RALGAPA1: variants seen among roughly 807,000 people sequenced by gnomAD.
The protein encoded by RALGAPA1 is Ral GTPase activating protein catalytic subunit alpha 1.
In RALGAPA1, 52 loss-of-function variants were observed where a neutral mutation model predicts 269.6. The observed-to-expected ratio is 0.19, with a 90% CI of 0.15 to 0.24. RALGAPA1 has a LOEUF of 0.24. Ranked by LOEUF, RALGAPA1 falls within the 10% of genes least tolerant of loss-of-function variation. RALGAPA1 has a pLI of 1.00. For missense variants in RALGAPA1, 1,917 were observed against 3,013.9 expected (o/e 0.64, Z 8.52); for synonymous variants, 817 against 1,008.3 (o/e 0.81, Z 3.60).
At chr14:35,603,968 A>G (rs187001588) in intron 36 of RALGAPA1, among the ~76,000 whole-genome samples, 64 of 152,250 alleles carry the variant, frequency 4.2e-4, no homozygotes, top group African/African-American at 1.5e-3. Context: ...ACAATAATAT[A>G]TTATGTCAGA....
intron 39 of RALGAPA1, among the ~76,000 whole-genome samples, chr14:35,561,605 TC>T (rs1223303763): frequency 6.7e-6 from 1 of 148,210 alleles, no homozygotes; most frequent in Non-Finnish European, 1.5e-5. Flanking sequence ...ACCTCTGGGT[TC>T]AAGCAATTCT....
intron 35 of RALGAPA1, among the ~76,000 whole-genome samples, chr14:35,621,116 A>G (rs911138949): frequency 2.0e-5 from 3 of 152,204 alleles, no homozygotes; most frequent in African/African-American, 2.4e-5. Flanking sequence ...CAAACATACT[A>G]CAAGGCTACA....
At chr14:35,733,895 C>T (rs2070734349) in intron 12 of RALGAPA1, among the ~76,000 whole-genome samples, 2 of 151,854 alleles carry the variant, frequency 1.3e-5, no homozygotes, top group African/African-American at 2.4e-5. Context: ...CCAACAGCAA[C>T]CAAGCAGAGA....
chr14:35,724,931 G>T, intron 14 of RALGAPA1, 93 bp downstream of exon 14: 1 of 1,018,408 alleles, frequency 9.8e-7, no homozygotes, highest in Non-Finnish European at 1.3e-6. Context: ...CAAGTTCAGG[G>T]TTCAATGAAT....
At chr14:35,572,093 T>C (rs930611575) in intron 38 of RALGAPA1, among the ~76,000 whole-genome samples, 3 of 152,216 alleles carry the variant, frequency 2.0e-5, no homozygotes, top group Admixed American at 1.3e-4. Context: ...AACTATAGGA[T>C]AGGTGACTGA....
intron 16 of RALGAPA1, among the ~76,000 whole-genome samples, chr14:35,700,774 C>T (rs2140623570): frequency 6.6e-6 from 1 of 152,242 alleles, no homozygotes; most frequent in Admixed American, 6.5e-5. Flanking sequence ...ATACTCTTTA[C>T]CAAATAAAGT....
chr14:35,593,837 G>A (rs2058773527), intron 37 of RALGAPA1, among the ~76,000 whole-genome samples: 1 of 152,028 alleles, frequency 6.6e-6, no homozygotes, highest in African/African-American at 2.4e-5. Flanking sequence ...CTGGGTGAAA[G>A]AGTGAGACCC....
At chr14:35,804,230 C>A (rs531701087) in intron 1 of RALGAPA1, among the ~76,000 whole-genome samples, 2 of 151,664 alleles carry the variant, frequency 1.3e-5, no homozygotes, top group East Asian at 3.9e-4. Flanking sequence ...CCACTGCACT[C>A]TAGCCTGGGC....
chr14:35,693,347 T>TA (rs1426733331), intron 17 of RALGAPA1, among the ~76,000 whole-genome samples: 2 of 151,676 alleles, frequency 1.3e-5, no homozygotes, highest in African/African-American at 2.4e-5. Flanking sequence ...AAGGAACCAA[T>TA]AAAAAAACTT....
intron 1 of RALGAPA1, among the ~76,000 whole-genome samples, chr14:35,776,126 G>A (rs930975337): frequency 6.6e-6 from 1 of 152,202 alleles, no homozygotes; most frequent in Non-Finnish European, 1.5e-5. Flanking sequence ...GCTCACGCCT[G>A]TAATCCCAAC....
At chr14:35,672,747 C>A in intron 25 of RALGAPA1, 120 bp downstream of exon 25, 1 of 926,844 alleles carries the variant, frequency 1.1e-6, no homozygotes, top group South Asian at 2.6e-5. Context: ...GTATATAAAT[C>A]ACTAAATAAG....
chr14:35,723,170 T>C lies in RALGAPA1; in HGVS notation c.1961A>G (p.Tyr654Cys), dbSNP rs1204086826. The change falls in exon 15 of 42, where the codon TAT (tyrosine) becomes TGT (cysteine). Residue 654 changes from tyrosine (Y) to cysteine (C), a missense_variant. Tyr to Cys is a radical substitution (Grantham distance 194, BLOSUM62 -2). Around this residue, in one of 11 missense-constraint regions of RALGAPA1, gnomAD observed 40 missense variants for 112.6 expected, o/e 0.36. Transcript: ENST00000680220. ...CCACTCAGTGGCCAACTCTTCCCAA[T>C]AGGTCAGCGATGACAATACTGACAG... ...DLLSVLSSLT[Y>C]WEELATEWSL... is the part of the protein sequence containing the mutation. 7.4e-6 allele frequency: 12 copies of C among 1,613,512 alleles called. No homozygotes were observed. The highest frequency in any genetic ancestry group is 6.7e-5 in the African/African-American group (5 of 74,910).
rs143332520 is a variant in RALGAPA1 at position 35,756,931 on chromosome 14, T to A, written c.548-23A>T. 1.8e-4 allele frequency: 269 copies of A among 1,530,838 alleles called. 5 individuals are homozygous for A. In the African/African-American group the frequency reaches 2.7e-3, roughly 16 times the overall value. The allele number at this position is 1,530,838 out of a possible 1,614,324, so 94.8% of individuals were successfully genotyped here. ...GAGCTATCCAAAGACAAAAGAATAG[T>A]ATATAGTTACAAAACAAATTTAATA... On this transcript the variant is annotated intron_variant, in intron 6 of 41. Transcript: ENST00000680220.
chr14:35,659,242 T>G lies in RALGAPA1; in HGVS notation c.5329-46A>C, dbSNP rs750071142. 1.1e-5 allele frequency: 16 copies of G among 1,395,056 alleles called. No homozygotes were observed. The South Asian group carries it at 1.8e-4, about 16-fold the overall frequency. 86.4% of individuals were successfully genotyped at this position (1,395,056 alleles called of 1,614,324 possible). ...TTAACGGCAATGACTGAGATTTCAC[T>G]CATTCATTCTACAAATATTTATTAA... On this transcript the variant is annotated intron_variant, in intron 27 of 41. Coordinates refer to ENST00000680220, the MANE Select transcript of RALGAPA1 (RefSeq NM_001346249.2).
chr14:35,805,203 T>C (rs904071863), intron 1 of RALGAPA1, among the ~76,000 whole-genome samples: 1 of 151,046 alleles, frequency 6.6e-6, no homozygotes, highest in Non-Finnish European at 1.5e-5. Flanking sequence ...GCGGGGGGAC[T>C]GCCTGAGCTC....
At chr14:35,764,658 G>A (rs531073801) in intron 4 of RALGAPA1, among the ~76,000 whole-genome samples, 17 of 151,830 alleles carry the variant, frequency 1.1e-4, no homozygotes, top group South Asian at 6.2e-4. Context: ...TAATCCTCTC[G>A]CCTCAGCCCC....
At position 35,792,553 on chromosome 14, in the gene RALGAPA1, C is replaced by T. The variant is rs138774454; in HGVS notation, c.106+16177G>A. On this transcript the variant is annotated intron_variant, in intron 1 of 41. Transcript: ENST00000680220. Reference sequence around the variant, plus strand: ...ATCCTAGCACTTTGGGAGGCCAGGGCGGGTGGACTGTTTGAGGCCCAGAGT... The same window carrying T: ...ATCCTAGCACTTTGGGAGGCCAGGGTGGGTGGACTGTTTGAGGCCCAGAGT... Among the ~76,000 whole-genome samples, 364 of 151,788 alleles carry T rather than the reference C, an allele frequency of 2.4e-3. 4 individuals are homozygous for T. Among genetic ancestry groups the T allele is most frequent in the African/African-American group, 8.3e-3 (346 of 41,484 alleles).
intron 12 of RALGAPA1, among the ~76,000 whole-genome samples, chr14:35,736,852 A>T (rs142991912): frequency 1.3e-5 from 2 of 152,140 alleles, no homozygotes; most frequent in African/African-American, 4.8e-5. Flanking sequence ...CCTGGCCAAC[A>T]TGGCAAAAAC....
chr14:35,690,250 CA>C (rs1414877938), intron 17 of RALGAPA1, among the ~76,000 whole-genome samples: 9 of 152,014 alleles, frequency 5.9e-5, no homozygotes, highest in Non-Finnish European at 1.2e-4. Context: ...TGCATAGAAA[CA>C]GACAGTGAGG....
Sources: allele counts gnomAD v4.1 joint callset (sites outside exome capture counted in the v4.1 genomes callset), GRCh38; gene constraint gnomAD v4.1.1; regional missense constraint gnomAD v4.1.1; transcripts MANE v1.5; gene names NCBI Gene and HGNC (gene_info 2026-07-23, HGNC 2026-07-21).